Variants in EPB41L4A observed in about 807,000 individuals in gnomAD.
The protein encoded by EPB41L4A is band 4.1-like protein 4A.
EPB41L4A carries 100 observed loss-of-function variants against 108.6 expected under a neutral mutation model. The ratio of observed to expected loss-of-function variants is 0.92; its 90% confidence interval spans 0.78 to 1.09. The LOEUF is 1.09. Ranked by LOEUF, EPB41L4A falls within the 50% of genes least tolerant of loss-of-function variation. EPB41L4A has a pLI of 0.00. For missense variants in EPB41L4A, 1,030 were observed against 842.7 expected (o/e 1.22, Z -2.75); for synonymous variants, 319 against 289.0 (o/e 1.10, Z -1.05).
At chr5:112,251,374 C>T (rs1750654466) in intron 9 of EPB41L4A, among the ~76,000 whole-genome samples, 1 of 152,104 alleles carries the variant, frequency 6.6e-6, no homozygotes, top group African/African-American at 2.4e-5. Context: ...GAAAACTTTT[C>T]CTAAATATTC....
chr5:112,357,435 A>T (rs1032426211), intron 1 of EPB41L4A, among the ~76,000 whole-genome samples: 2 of 152,246 alleles, frequency 1.3e-5, no homozygotes, highest in African/African-American at 4.8e-5. Flanking sequence ...GCAAGAGCAG[A>T]TGTCTCAGGT....
At chr5:112,202,071 GA>G (rs752050415) in intron 15 of EPB41L4A, among the ~76,000 whole-genome samples, 5 of 152,200 alleles carry the variant, frequency 3.3e-5, no homozygotes, top group Non-Finnish European at 7.3e-5. Flanking sequence ...TTCTAGTTAA[GA>G]GAGACTCCAG....
chr5:112,221,223 T>G (rs946868718), intron 12 of EPB41L4A, among the ~76,000 whole-genome samples: 1 of 152,162 alleles, frequency 6.6e-6, no homozygotes, highest in Admixed American at 6.5e-5. Flanking sequence ...TCTTTTGCAA[T>G]AGCATCATGG....
rs181788435 is a variant in EPB41L4A, at chr5:112,190,077, T to C, written c.1502+4491A>G. 2.9e-3 allele frequency among the ~76,000 whole-genome samples: 444 copies of C among 152,286 alleles called. 5 individuals carry two copies. The highest frequency in any genetic ancestry group is 0.01 in the African/African-American group (416 of 41,552). ...GGACGAGATTCAAAATTCTAACTAA[T>C]AGAATCTAATATTCATGTAGATTAA... On this transcript the variant is annotated intron_variant, in intron 17 of 22. Transcript: ENST00000261486.
chr5:112,231,994 A>G (rs1748989824), intron 12 of EPB41L4A, among the ~76,000 whole-genome samples: 1 of 151,912 alleles, frequency 6.6e-6, no homozygotes, highest in Non-Finnish European at 1.5e-5. Context: ...GTATGCCTGT[A>G]ATCCCAGCTA....
intron 18 of EPB41L4A, among the ~76,000 whole-genome samples, chr5:112,180,700 T>TAC (rs1210462027): frequency 7.2e-5 from 10 of 139,332 alleles, no homozygotes; most frequent in African/African-American, 2.6e-4. Flanking sequence ...AAAAAACTGA[T>TAC]ACACTGGTCT....
At chr5:112,239,279 T>C (rs1054759603) in intron 11 of EPB41L4A, among the ~76,000 whole-genome samples, 7 of 152,208 alleles carry the variant, frequency 4.6e-5, no homozygotes, top group Admixed American at 3.3e-4. Context: ...ATATAAAAAG[T>C]ATAGATTGTA....
chr5:112,289,451 G>A (rs1355174209), intron 2 of EPB41L4A, among the ~76,000 whole-genome samples: 1 of 152,140 alleles, frequency 6.6e-6, no homozygotes, highest in Non-Finnish European at 1.5e-5. Context: ...GAGTGGCAGG[G>A]GGTTTGGGGG....
intron 1 of EPB41L4A, among the ~76,000 whole-genome samples, chr5:112,368,303 T>C (rs1227921874): frequency 1.3e-5 from 2 of 152,148 alleles, no homozygotes; most frequent in African/African-American, 4.8e-5. Context: ...CGAATTATCT[T>C]GTCTGAGGCC....
rs781666158 is a variant in EPB41L4A at position 112,165,051 on chromosome 5, C to A, written c.2000G>T (p.Gly667Val). 2 of 1,613,770 alleles carry A rather than the reference C, an allele frequency of 1.2e-6. No homozygotes were observed. The highest frequency in any genetic ancestry group is 2.7e-5 in the African/African-American group (2 of 74,864). ...KPQTSTNNLAGKHTAKTIKTI... is the reference protein window; with the variant it reads ...KPQTSTNNLAVKHTAKTIKTI... Reference sequence around the variant, plus strand: ...TTTTATTGTTTTTGCTGTGTGTTTTCCAGCCAGGTTGTTTGTAGATGTCTG... The same window carrying A: ...TTTTATTGTTTTTGCTGTGTGTTTTACAGCCAGGTTGTTTGTAGATGTCTG... Residue 667 changes from glycine (G) to valine (V), a missense_variant, in exon 23 of 23, where the codon GGA becomes GTA. By Grantham distance (109) the Gly-to-Val change is moderately radical. Coordinates refer to ENST00000261486, the MANE Select transcript of EPB41L4A (RefSeq NM_022140.5).
chr5:112,369,727 C>A (rs1183385425), intron 1 of EPB41L4A, among the ~76,000 whole-genome samples: 1 of 152,202 alleles, frequency 6.6e-6, no homozygotes, highest in East Asian at 1.9e-4. Context: ...GGTGGTGTAG[C>A]TTACCACCTG....
chr5:112,381,646 G>A (rs1038372886), intron 1 of EPB41L4A, among the ~76,000 whole-genome samples: 4 of 152,232 alleles, frequency 2.6e-5, no homozygotes, highest in Admixed American at 2.6e-4. Context: ...TCCAAACAAG[G>A]CTGAGTTGCA....
At chr5:112,385,013 T>C (rs17134445) in intron 1 of EPB41L4A, among the ~76,000 whole-genome samples, 1,585 of 152,258 alleles carry the variant, frequency 0.01, 25 homozygotes, top group African/African-American at 0.037. Flanking sequence ...AGGAAGACAC[T>C]GGAAGTAGCC....
intron 1 of EPB41L4A, among the ~76,000 whole-genome samples, chr5:112,360,828 G>A (rs1192269531): frequency 1.3e-5 from 2 of 152,006 alleles, no homozygotes; most frequent in Non-Finnish European, 2.9e-5. Flanking sequence ...GGGATGTGGG[G>A]AGCGCCTCTG....
intron 12 of EPB41L4A, among the ~76,000 whole-genome samples, chr5:112,151,267 T>C (rs747996670): frequency 7.3e-5 from 11 of 150,880 alleles, no homozygotes; most frequent in Non-Finnish European, 1.5e-4. Context: ...TTTAAAAATA[T>C]ACAATAATAG....
chr5:112,286,505 C>T (rs1463781943), intron 2 of EPB41L4A, among the ~76,000 whole-genome samples: 1 of 152,188 alleles, frequency 6.6e-6, no homozygotes, highest in Non-Finnish European at 1.5e-5. Context: ...CCCTTCCTCA[C>T]TCTCAGCTGA....
chr5:112,234,498 T>G (rs1326426123), intron 12 of EPB41L4A, 136 bp downstream of exon 12: 7 of 749,206 alleles, frequency 9.3e-6, no homozygotes, highest in African/African-American at 1.8e-5. Flanking sequence ...TTAAAATTTC[T>G]AATATTAGAA....
At chr5:112,341,931 T>C (rs1468807253) in intron 1 of EPB41L4A, among the ~76,000 whole-genome samples, 1 of 152,172 alleles carries the variant, frequency 6.6e-6, no homozygotes, top group African/African-American at 2.4e-5. Flanking sequence ...GAGAAGACAG[T>C]ATAACAGTAT....
chr5:112,158,391 T>C (rs1335184322), downstream of EPB41L4A: 1 of 427,108 alleles, frequency 2.3e-6, no homozygotes, highest in African/African-American at 2.1e-5. Flanking sequence ...TACATGTGTG[T>C]AGTTATTACC....
Sources: gnomAD v4.1 joint callset for allele counts (sites outside exome capture counted in the v4.1 genomes callset) on GRCh38, gnomAD v4.1.1 for gene constraint, MANE v1.5 for transcripts, NCBI Gene and HGNC (gene_info 2026-07-23, HGNC 2026-07-21) for gene names.